Variants in CALN1 observed in about 807,000 individuals in gnomAD.
The protein encoded by CALN1 is calcium-binding protein 8.
In CALN1, 17 loss-of-function variants were observed where a neutral mutation model predicts 30.6. That is an observed-to-expected ratio of 0.56 (90% CI 0.38 to 0.83). CALN1 has a LOEUF of 0.83. Ranked by LOEUF, CALN1 falls within the 40% of genes least tolerant of loss-of-function variation. CALN1 has a pLI of 0.00. For missense variants in CALN1, 291 were observed against 354.9 expected (o/e 0.82, Z 1.45); for synonymous variants, 156 against 131.4 (o/e 1.19, Z -1.28).
At chr7:72,151,993 C>G (rs562053200) in intron 3 of CALN1, among the ~76,000 whole-genome samples, 85 of 150,364 alleles carry the variant, frequency 5.7e-4, no homozygotes, top group Non-Finnish European at 1.1e-3. Context: ...ACTGTAACCT[C>G]CATCTCCTGA....
At chr7:72,494,102 A>G in the CALN1 span, among the ~76,000 whole-genome samples, 1 of 147,184 alleles carries the variant, frequency 6.8e-6, no homozygotes, top group Non-Finnish European at 1.5e-5. Flanking sequence ...GATGCAGGAG[A>G]ATCGCTAAGC....
At chr7:72,219,897 C>T (rs150878490) in intron 3 of CALN1, among the ~76,000 whole-genome samples, 3 of 151,942 alleles carry the variant, frequency 2.0e-5, no homozygotes, top group East Asian at 1.9e-4. Flanking sequence ...AGAACTGCAT[C>T]GATGATATCA....
chr7:71,808,701 AC>A (rs1787763379), intron 6 of CALN1, among the ~76,000 whole-genome samples: 1 of 152,164 alleles, frequency 6.6e-6, no homozygotes, highest in Admixed American at 6.5e-5. Flanking sequence ...ACACTGATCC[AC>A]CAACAAAGGC....
At chr7:72,466,398 G>A in the CALN1 span, among the ~76,000 whole-genome samples, 3 of 152,124 alleles carry the variant, frequency 2.0e-5, no homozygotes, top group African/African-American at 7.2e-5. Context: ...ACAGTCTAGT[G>A]TGTCAGGGGA....
intron 4 of CALN1, among the ~76,000 whole-genome samples, chr7:72,096,723 A>G (rs999189980): frequency 1.3e-5 from 2 of 152,210 alleles, no homozygotes; most frequent in Non-Finnish European, 2.9e-5. Flanking sequence ...ACTGTAAACT[A>G]GTTCAACCAT....
chr7:71,842,325 T>C (rs1265824064), intron 5 of CALN1, among the ~76,000 whole-genome samples: 1 of 152,244 alleles, frequency 6.6e-6, no homozygotes, highest in Non-Finnish European at 1.5e-5. Context: ...TGCTTTGTCC[T>C]GAAAGCTTAC....
chr7:71,898,962 C>A (rs1224935269), intron 5 of CALN1, among the ~76,000 whole-genome samples: 1 of 152,082 alleles, frequency 6.6e-6, no homozygotes, highest in Non-Finnish European at 1.5e-5. Context: ...AGTTATTGAA[C>A]TGTATAGAAT....
At chr7:72,290,248 C>G (rs931947342) in intron 2 of CALN1, among the ~76,000 whole-genome samples, 1 of 151,702 alleles carries the variant, frequency 6.6e-6, no homozygotes, top group Non-Finnish European at 1.5e-5. Flanking sequence ...CATGTTTTGA[C>G]TTTCTACAGA....
intron 3 of CALN1, among the ~76,000 whole-genome samples, chr7:72,126,443 C>T (rs983125651): frequency 2.1e-5 from 3 of 141,118 alleles, no homozygotes; most frequent in South Asian, 2.2e-4. Context: ...AACATGTGTG[C>T]GCATGTGTCT....
upstream of CALN1, among the ~76,000 whole-genome samples, chr7:72,412,701 A>G (rs1302354951): frequency 2.0e-5 from 3 of 152,154 alleles, no homozygotes; most frequent in Admixed American, 6.5e-5. Context: ...TTTGGGAAAA[A>G]CAAACTGGAA....
intron 2 of CALN1, among the ~76,000 whole-genome samples, chr7:72,345,356 AGAAG>A (rs139972680): frequency 0.36 from 49,859 of 140,126 alleles, 9,875 homozygotes; most frequent in Admixed American, 0.42. Flanking sequence ...GGAAAGAAAG[AGAAG>A]GAAGGAAGGA....
chr7:71,849,883 C>G (rs1222867154), intron 5 of CALN1, among the ~76,000 whole-genome samples: 1 of 152,104 alleles, frequency 6.6e-6, no homozygotes, highest in South Asian at 2.1e-4. Flanking sequence ...TCCTCCCGCC[C>G]AGGCCTTCCA....
At chr7:72,402,895 AATT>A (rs1197004972) in intron 2 of CALN1, among the ~76,000 whole-genome samples, 1 of 152,138 alleles carries the variant, frequency 6.6e-6, no homozygotes, top group East Asian at 1.9e-4. Context: ...ACCCTCATAA[AATT>A]ATTTGAGAAT....
chr7:72,097,715 T>TTA (rs1806341960), intron 4 of CALN1, among the ~76,000 whole-genome samples: 1 of 151,986 alleles, frequency 6.6e-6, no homozygotes, highest in Non-Finnish European at 1.5e-5. Flanking sequence ...TTTTTTTCTT[T>TTA]TATATATATA....
chr7:72,401,770 C>T (rs1235204628), intron 2 of CALN1, among the ~76,000 whole-genome samples: 1 of 152,230 alleles, frequency 6.6e-6, no homozygotes, highest in East Asian at 1.9e-4. Flanking sequence ...TGTCTGTTTG[C>T]TGTGTGATAT....
At chr7:71,974,749 C>T (rs1388162203) in intron 5 of CALN1, among the ~76,000 whole-genome samples, 1 of 152,186 alleles carries the variant, frequency 6.6e-6, no homozygotes, top group Non-Finnish European at 1.5e-5. Context: ...TTTCCCCTGG[C>T]CCTGCTGTCA....
intron 4 of CALN1, among the ~76,000 whole-genome samples, chr7:72,026,029 T>G: frequency 6.6e-6 from 1 of 152,168 alleles, no homozygotes; most frequent in East Asian, 1.9e-4. Context: ...GAGAAGAAAT[T>G]GATTTATCTT....
At chr7:72,416,369 C>T (rs1201027164), upstream of CALN1, among the ~76,000 whole-genome samples, 3 of 152,240 alleles carry the variant, frequency 2.0e-5, no homozygotes, top group Non-Finnish European at 2.9e-5. Context: ...AGTCACAGAG[C>T]TGTAATGCTG....
At chr7:72,070,354 G>T (rs2129538039) in intron 4 of CALN1, among the ~76,000 whole-genome samples, 1 of 152,288 alleles carries the variant, frequency 6.6e-6, no homozygotes, top group Admixed American at 6.5e-5. Flanking sequence ...AATATATGAG[G>T]TATGTCCTGA....
Sources: gnomAD v4.1 joint callset for allele counts (sites outside exome capture counted in the v4.1 genomes callset) on GRCh38, gnomAD v4.1.1 for gene constraint, MANE v1.5 for transcripts, NCBI Gene and HGNC (gene_info 2026-07-23, HGNC 2026-07-21) for gene names.